Variants in NBEA observed in about 807,000 individuals in gnomAD.
NBEA encodes the protein lysosomal-trafficking regulator 2.
In NBEA, 44 loss-of-function variants were observed where a neutral mutation model predicts 343.4. That is an observed-to-expected ratio of 0.13 (90% CI 0.10 to 0.16). NBEA has a LOEUF of 0.16. Among genes scored for constraint, NBEA ranks in the 10% least tolerant of loss-of-function variants. NBEA has a pLI of 1.00. For missense variants in NBEA, 2,555 were observed against 3,631.3 expected (o/e 0.70, Z 7.62); for synonymous variants, 1,175 against 1,238.7 (o/e 0.95, Z 1.08).
chr13:35,664,805 A>C (rs1370733950), intron 55 of NBEA, among the ~76,000 whole-genome samples: 5 of 152,374 alleles, frequency 3.3e-5, no homozygotes, highest in Middle Eastern at 3.4e-3. Context: ...CATAACAATA[A>C]TGGAAGAAAA....
rs895871402 is a variant in NBEA, at chr13:35,184,003, C to G, written c.4859C>G (p.Pro1620Arg). The part of the protein sequence containing the change: ...TVVVIPSIPH[P>R]SLNHGFLAKL... ...GTGGTCATACCATCTATCCCTCATC[C>G]AAGTTTGAACCATGGATTCCTTGCC... Residue 1620 changes from proline to arginine, a missense_variant, in exon 30 of 59, where the codon CCA (proline) becomes CGA (arginine). This residue lies in a region of NBEA where 270 missense variants were observed against 293.3 expected (regional missense o/e 0.92). Coordinates refer to ENST00000379939, the MANE Select transcript of NBEA (RefSeq NM_001385012.1). The G allele has an allele frequency of 2.5e-6, 4 of 1,611,622 alleles. No individual in the cohort carries two copies. The Admixed American group carries it at 6.7e-5, about 27-fold the overall frequency.
At chr13:35,179,877 T>C in intron 28 of NBEA, 1 of 735,102 alleles carries the variant, frequency 1.4e-6, no homozygotes, top group South Asian at 6.2e-5. Flanking sequence ...TTCACTTCTC[T>C]CTGTGTTTAT....
intron 34 of NBEA, among the ~76,000 whole-genome samples, chr13:35,261,052 C>T (rs992713393): frequency 6.6e-6 from 1 of 152,122 alleles, no homozygotes; most frequent in Non-Finnish European, 1.5e-5. Flanking sequence ...TAATGTAATA[C>T]TCATAATACC....
chr13:34,942,793 T>C lies in NBEA; in HGVS notation c.-28T>C. ...GTACCGGCGGCGGCAGCGCCGCTGC[T>C]CTTCCCTTCTCCTCAGGAGGGGGGC... On this transcript the variant is annotated 5_prime_UTR_variant, in exon 1 of 59. Coordinates refer to ENST00000379939, the MANE Select transcript of NBEA (RefSeq NM_001385012.1). 7.6e-7 allele frequency: 1 copy of C among 1,324,132 alleles called. No homozygotes were observed. Among genetic ancestry groups the C allele is most frequent in the African/African-American group, 1.6e-5 (1 of 64,294 alleles). The allele number at this position is 1,324,132 out of a possible 1,614,324, so 82.0% of individuals were successfully genotyped here. A position where few individuals can be genotyped will look rare whatever the true frequency, so the allele number is the denominator to read the frequency against.
At chr13:35,157,821 G>A (rs2069279855) in intron 21 of NBEA, among the ~76,000 whole-genome samples, 1 of 152,018 alleles carries the variant, frequency 6.6e-6, no homozygotes, top group Non-Finnish European at 1.5e-5. Context: ...TGGAAATTCA[G>A]AGTTATGGGT....
intron 41 of NBEA, among the ~76,000 whole-genome samples, chr13:35,514,484 C>T (rs2077406850): frequency 6.6e-6 from 1 of 152,008 alleles, no homozygotes; most frequent in Non-Finnish European, 1.5e-5. Flanking sequence ...GGAATGCCAC[C>T]CTCAATCAGA....
intron 33 of NBEA, among the ~76,000 whole-genome samples, chr13:35,228,120 T>C (rs1447992194): frequency 6.6e-6 from 1 of 152,234 alleles, no homozygotes; most frequent in East Asian, 1.9e-4. Context: ...TACGAATTTC[T>C]TAGAATTAAG....
chr13:35,282,993 G>C (rs1408798096), intron 34 of NBEA, among the ~76,000 whole-genome samples: 2 of 152,102 alleles, frequency 1.3e-5, no homozygotes, highest in Non-Finnish European at 2.9e-5. Flanking sequence ...AGTTGGGGCA[G>C]TGTTTCACAG....
intron 28 of NBEA, among the ~76,000 whole-genome samples, chr13:35,179,503 G>A (rs575551826): frequency 4.0e-5 from 6 of 149,930 alleles, no homozygotes; most frequent in African/African-American, 1.5e-4. Context: ...CTGGGAATAA[G>A]AAGCACAACT....
intron 31 of NBEA, among the ~76,000 whole-genome samples, chr13:35,197,512 G>A (rs942449913): frequency 6.6e-6 from 1 of 151,698 alleles, no homozygotes; most frequent in Admixed American, 6.6e-5. Flanking sequence ...CAGTTTGGAT[G>A]AATACCCTTT....
At chr13:35,138,582 C>T (rs2067878677) in intron 17 of NBEA, among the ~76,000 whole-genome samples, 1 of 151,678 alleles carries the variant, frequency 6.6e-6, no homozygotes, top group Non-Finnish European at 1.5e-5. Context: ...GCCTTGGCCT[C>T]CAGAGTAGCT....
At chr13:35,013,593 C>A (rs1163569272) in intron 1 of NBEA, among the ~76,000 whole-genome samples, 1 of 151,920 alleles carries the variant, frequency 6.6e-6, no homozygotes, top group African/African-American at 2.4e-5. Flanking sequence ...GCCTCTGCCT[C>A]CCGAGTAGCT....
At chr13:35,177,138 C>A in intron 28 of NBEA, 35 bp downstream of exon 28, 2 of 1,432,364 alleles carry the variant, frequency 1.4e-6, no homozygotes, top group Non-Finnish European at 1.9e-6. Context: ...CTGAAATAAA[C>A]CTTCTACTGT....
intron 10 of NBEA, among the ~76,000 whole-genome samples, chr13:35,084,842 T>C (rs1316680396): frequency 6.6e-6 from 1 of 151,760 alleles, no homozygotes; most frequent in Non-Finnish European, 1.5e-5. Context: ...CTAGCAAGAC[T>C]AATAAAGAAG....
At chr13:35,300,903 C>T (rs1001659392) in intron 35 of NBEA, among the ~76,000 whole-genome samples, 3 of 152,020 alleles carry the variant, frequency 2.0e-5, no homozygotes, top group Non-Finnish European at 4.4e-5. Context: ...ATACTGTGTA[C>T]TGTTGTCTAC....
chr13:35,037,310 T>C (rs1307103627), intron 1 of NBEA, among the ~76,000 whole-genome samples: 1 of 152,214 alleles, frequency 6.6e-6, no homozygotes, highest in African/African-American at 2.4e-5. Context: ...CTGTGTTATC[T>C]TGAATTTCTT....
At chr13:35,540,500 T>TA (rs1291839796) in intron 41 of NBEA, among the ~76,000 whole-genome samples, 4 of 152,080 alleles carry the variant, frequency 2.6e-5, no homozygotes, top group African/African-American at 4.8e-5. Context: ...TAGCCAAAGA[T>TA]ACAATATTTA....
At position 35,657,644 on chromosome 13, in the gene NBEA, T is replaced by G. The variant is rs550081107; in HGVS notation, c.8362+1895T>G. On this transcript the variant is annotated intron_variant, in intron 55 of 58. Coordinates refer to ENST00000379939, the MANE Select transcript of NBEA (RefSeq NM_001385012.1). The stretch of plus-strand genomic sequence containing the variant: ...TTATCTAAATATATGTTCACATATT[T>G]CCAAATTGTCTTTATTTCCATAATA... Among the ~76,000 whole-genome samples the G allele has an allele frequency of 5.9e-5, 9 of 152,348 alleles. 1 individual carries two copies. The highest frequency in any genetic ancestry group is 2.2e-4 in the African/African-American group (9 of 41,584).
chr13:35,138,293 A>G (rs1208490020), intron 17 of NBEA, among the ~76,000 whole-genome samples: 1 of 152,148 alleles, frequency 6.6e-6, no homozygotes, highest in Non-Finnish European at 1.5e-5. Context: ...TCTCATAAAA[A>G]TTAAAATATA....
Sources: gnomAD v4.1 joint callset for allele counts (sites outside exome capture counted in the v4.1 genomes callset) on GRCh38, gnomAD v4.1.1 for gene constraint, gnomAD v4.1.1 regional missense constraint, MANE v1.5 for transcripts, NCBI Gene and HGNC (gene_info 2026-07-23, HGNC 2026-07-21) for gene names.